MMEL1: variants seen among roughly 807,000 people sequenced by gnomAD.
MMEL1 encodes membrane metalloendopeptidase like 1.
In MMEL1, 98 loss-of-function variants were observed where a neutral mutation model predicts 117.1. The ratio of observed to expected loss-of-function variants is 0.84; its 90% CI spans 0.71 to 0.99. MMEL1 has a LOEUF of 0.99. Among genes scored for constraint, MMEL1 ranks in the 50% least tolerant of loss-of-function variants. The pLI is 0.00. For synonymous variants in MMEL1, 390 were observed against 415.1 expected, an observed-to-expected ratio of 0.94 and a Z score of 0.74; for missense variants, 1,014 against 1,049.1, an observed-to-expected ratio of 0.97 and a Z score of 0.46.
chr1:2,630,435 C>CA (rs1414754781), intron 1 of MMEL1, among the ~76,000 whole-genome samples: 1 of 152,094 alleles, frequency 6.6e-6, no homozygotes, highest in Non-Finnish European at 1.5e-5. Flanking sequence ...TGCATGACTG[C>CA]ATGAGCGTGA....
chr1:2,630,921 G>A (rs1557566452), intron 1 of MMEL1, among the ~76,000 whole-genome samples: 1 of 151,192 alleles, frequency 6.6e-6, no homozygotes, highest in Non-Finnish European at 1.5e-5. Flanking sequence ...GTGTGCATGT[G>A]CATGATTGTG....
intron 3 of MMEL1, 135 bp downstream of exon 3, chr1:2,611,992 C>T (rs915633999): frequency 1.3e-6 from 1 of 766,870 alleles, no homozygotes; most frequent in Non-Finnish European, 2.2e-6. Context: ...CTGCCACTGT[C>T]CTCTCCCCAT....
chr1:2,611,689 C>A (rs1645131530), intron 3 of MMEL1, among the ~76,000 whole-genome samples: 1 of 152,140 alleles, frequency 6.6e-6, no homozygotes, highest in South Asian at 2.1e-4. Flanking sequence ...GACCTGGGAG[C>A]CCCTTTACAC....
intron 6 of MMEL1, 109 bp from the exon 7 acceptor site, chr1:2,607,178 G>T (rs1645043090): frequency 1.1e-6 from 1 of 869,748 alleles, no homozygotes; most frequent in African/African-American, 1.7e-5. Context: ...CACAGCCCCT[G>T]CAGTGCTCCG....
chr1:2,591,385 T>C, intron 23 of MMEL1, 172 bp downstream of exon 23: 2 of 633,442 alleles, frequency 3.2e-6, no homozygotes, highest in Non-Finnish European at 5.6e-6. Flanking sequence ...ATGCCCTTAG[T>C]CTGTAAGAGA....
At chr1:2,621,392 A>G (rs150227722) in intron 2 of MMEL1, among the ~76,000 whole-genome samples, 2,094 of 152,270 alleles carry the variant, frequency 0.014, 22 homozygotes, top group Admixed American at 0.024. Flanking sequence ...GGCTTCACCT[A>G]TATAATAAGG....
In MMEL1 at chr1:2,593,828, C is replaced by CCGTG; in HGVS notation, c.1849_1852dup (p.Gly618AlafsTer4). 1 of 1,608,660 alleles carries CCGTG rather than the reference C, an allele frequency of 6.2e-7. No individual in the cohort carries two copies. The highest frequency in any genetic ancestry group is 1.7e-4 in the Middle Eastern group (1 of 6,036). ...CGGCCGCTCACCATTGTCGTCAAAG[C>CCGTG]CGTGCGTGATCTCGTGCCCGATCAC... On this transcript the variant is annotated frameshift_variant, in exon 19 of 24. Coordinates refer to ENST00000378412, the MANE Select transcript of MMEL1 (RefSeq NM_033467.4). LOFTEE classifies it high-confidence loss of function.
intron 7 of MMEL1, among the ~76,000 whole-genome samples, 165 bp downstream of exon 7, chr1:2,606,809 C>T (rs1037197294): frequency 2.0e-5 from 3 of 152,140 alleles, no homozygotes; most frequent in East Asian, 1.9e-4. Flanking sequence ...AACCACCTCC[C>T]AGGACCCTGA....
chr1:2,601,737 T>C (rs1000468710), intron 11 of MMEL1, among the ~76,000 whole-genome samples: 1 of 152,138 alleles, frequency 6.6e-6, no homozygotes, highest in African/African-American at 2.4e-5. Flanking sequence ...ATAGAACAAA[T>C]GGGCAAGACT....
At chr1:2,608,540 TACAC>T (rs1645067816) in intron 6 of MMEL1, among the ~76,000 whole-genome samples, 1 of 123,926 alleles carries the variant, frequency 8.1e-6, no homozygotes, top group Non-Finnish European at 1.7e-5. Flanking sequence ...CATACACACA[TACAC>T]ATACACACAT....
rs1645152446 is a variant in MMEL1 at position 2,612,958 on chromosome 1, G to T, written c.155-754C>A. ...GGACTGAATGGAAGGAGGGAACAGG[G>T]CTCGTTCAGGTCAGGGCTGTTGGCA... On this transcript the variant is annotated intron_variant, in intron 2 of 23. Transcript: ENST00000378412. The surrounding 1 kb of genome is among the most constrained non-coding windows in gnomAD (Gnocchi z 5.4). Among the ~76,000 whole-genome samples, 1 of 152,212 alleles carries T rather than the reference G, an allele frequency of 6.6e-6. No homozygotes were observed. The highest frequency in any genetic ancestry group is 1.5e-5 in the Non-Finnish European group (1 of 68,032).
Position 2,598,713 on chromosome 1 carries a change from C to T in MMEL1, c.1119G>A (p.Val373=). The T allele has an allele frequency of 6.2e-7, 1 of 1,614,128 alleles. No homozygotes were observed. The highest frequency in any genetic ancestry group is 8.5e-7 in the Non-Finnish European group (1 of 1,180,010). Reference sequence around the variant, plus strand: ...TCTGCAGGTAGGGGATGCCATAGACCACCACTTCCTCATCTGGCAGCAGCT... The same window carrying T: ...TCTGCAGGTAGGGGATGCCATAGACTACCACTTCCTCATCTGGCAGCAGCT... ...KIKLLPDEEV[V]VYGIPYLQNL... Residue 373 remains valine, a synonymous_variant, in exon 12 of 24, where the codon GTG becomes GTA. Coordinates refer to ENST00000378412, the MANE Select transcript of MMEL1 (RefSeq NM_033467.4).
At chr1:2,624,593 C>G (rs763324209) in intron 2 of MMEL1, among the ~76,000 whole-genome samples, 4 of 152,202 alleles carry the variant, frequency 2.6e-5, no homozygotes, top group Non-Finnish European at 5.9e-5. Context: ...ATATTGGAGT[C>G]TGCAAAGAAG....
intron 2 of MMEL1, among the ~76,000 whole-genome samples, chr1:2,613,167 GC>G (rs903279883): frequency 6.6e-6 from 1 of 152,214 alleles, no homozygotes; most frequent in African/African-American, 2.4e-5. Context: ...CCCTCAAGGA[GC>G]CCCCCGCCCG....
In MMEL1 at chr1:2,605,556, A is replaced by C. The variant is rs1257968974; in HGVS notation, c.816+2T>G. On this transcript the variant is annotated splice_donor_variant, in intron 9 of 23. Transcript: ENST00000378412. LOFTEE classifies it high-confidence loss of function. ...CTGGCATTGCGGTGAGGACCCACCC[A>C]CCTTCCGGTTGCTGCCGCCGTTGAA... 1 of 1,611,578 alleles carries C rather than the reference A, an allele frequency of 6.2e-7. No homozygotes were observed. Among genetic ancestry groups the C allele is most frequent in the Non-Finnish European group, 8.5e-7 (1 of 1,178,796 alleles).
At chr1:2,594,040 C>G (rs1051398427) in intron 18 of MMEL1, 107 bp from the exon 19 acceptor site, 1 of 1,390,924 alleles carries the variant, frequency 7.2e-7, no homozygotes, top group Non-Finnish European at 9.5e-7. Context: ...TCCCACAGAC[C>G]GGGAGGCAGA....
At chr1:2,613,247 T>G (rs1485832389) in intron 2 of MMEL1, among the ~76,000 whole-genome samples, 1 of 152,094 alleles carries the variant, frequency 6.6e-6, no homozygotes, top group African/African-American at 2.4e-5. Flanking sequence ...AAGGCTGAGC[T>G]TCAGAGCAAA....
chr1:2,608,389 T>C lies in MMEL1; in HGVS notation c.535+950A>G, dbSNP rs559394732. 6.6e-5 allele frequency among the ~76,000 whole-genome samples: 10 copies of C among 152,168 alleles called. No homozygotes were observed. The South Asian group carries it at 1.7e-3, about 25-fold the overall frequency. On this transcript the variant is annotated intron_variant, in intron 6 of 23. Coordinates refer to ENST00000378412, the MANE Select transcript of MMEL1 (RefSeq NM_033467.4). Reference sequence around the variant, plus strand: ...GCTCCAAGCACGTGAATTCCTTTAATAGGAACTGAAACATGGATAATCTGC... The same window carrying C: ...GCTCCAAGCACGTGAATTCCTTTAACAGGAACTGAAACATGGATAATCTGC...
intron 13 of MMEL1, among the ~76,000 whole-genome samples, chr1:2,597,760 A>G (rs983442629): frequency 1.3e-5 from 2 of 152,176 alleles, no homozygotes; most frequent in East Asian, 1.9e-4. Flanking sequence ...GACAGGGAGT[A>G]CAATCCAAAC....
Sources: allele counts gnomAD v4.1 joint callset (sites outside exome capture counted in the v4.1 genomes callset), GRCh38; gene constraint gnomAD v4.1.1; non-coding constraint Gnocchi (gnomAD v3.1); transcripts MANE v1.5; gene names NCBI Gene and HGNC (gene_info 2026-07-23, HGNC 2026-07-21).